The following SVIL variants were observed in gnomAD, a reference collection of about 807,000 sequenced individuals.
SVIL encodes supervillin.
Under a neutral mutation model 240.4 loss-of-function variants are expected in SVIL, and 101 were observed. That is an observed-to-expected ratio of 0.42 (90% confidence interval 0.36 to 0.50). The LOEUF (loss-of-function observed/expected upper bound fraction) is 0.50. Ranked by LOEUF, SVIL falls within the 20% of genes least tolerant of loss-of-function variation. The pLI is 0.01. For missense variants in SVIL, 2,512 were observed against 2,818.7 expected (o/e 0.89, Z 2.46); for synonymous variants, 999 against 1,100.0 (o/e 0.91, Z 1.82).
chr10:29,604,008 T>C (rs1381979327), intron 1 of SVIL, among the ~76,000 whole-genome samples: 1 of 152,162 alleles, frequency 6.6e-6, no homozygotes, highest in Non-Finnish European at 1.5e-5. Context: ...CAGTGAAATA[T>C]TTCCGCCCCC....
At chr10:29,535,385 C>A (rs898415686) in intron 7 of SVIL, among the ~76,000 whole-genome samples, 9 of 152,214 alleles carry the variant, frequency 5.9e-5, no homozygotes, top group South Asian at 2.1e-4. Context: ...CAGCCAAGAA[C>A]AAAGTGACTG....
chr10:29,493,519 C>T (rs1948158595), intron 20 of SVIL, 128 bp from the exon 21 acceptor site: 2 of 1,043,438 alleles, frequency 1.9e-6, no homozygotes, highest in Admixed American at 2.4e-5. Flanking sequence ...TTGTGATATA[C>T]AGGGTCCTGT....
intron 2 of SVIL, among the ~76,000 whole-genome samples, chr10:29,664,776 G>A (rs982849838): frequency 2.6e-5 from 4 of 151,938 alleles, no homozygotes; most frequent in South Asian, 2.1e-4. Flanking sequence ...GAGCTAAGTC[G>A]TAAAACAGAA....
At chr10:29,674,168 A>G (rs1231908486) in intron 2 of SVIL, among the ~76,000 whole-genome samples, 1 of 149,252 alleles carries the variant, frequency 6.7e-6, no homozygotes, top group East Asian at 1.9e-4. Flanking sequence ...TGATTTCTAC[A>G]AAAAAAAAAT....
intron 14 of SVIL, 144 bp from the exon 15 acceptor site, chr10:29,524,171 G>T: frequency 2.1e-6 from 2 of 971,140 alleles, no homozygotes; most frequent in Non-Finnish European, 3.0e-6. Flanking sequence ...CCTGGACATA[G>T]TTATATAATA....
intron 14 of SVIL, 92 bp from the exon 15 acceptor site, chr10:29,524,119 G>A (rs1009090027): frequency 3.4e-5 from 43 of 1,258,416 alleles, no homozygotes; most frequent in Non-Finnish European, 3.9e-5. Flanking sequence ...TGAAATACTC[G>A]ATTTGATGCA....
intron 1 of SVIL, among the ~76,000 whole-genome samples, chr10:29,572,779 A>AAAG (rs1182045766): frequency 7.2e-6 from 1 of 139,208 alleles, no homozygotes; most frequent in Non-Finnish European, 1.6e-5. Context: ...AAAAAAAAAA[A>AAAG]AAGAAAAAGA....
At chr10:29,619,400 C>T (rs966985263) in intron 1 of SVIL, among the ~76,000 whole-genome samples, 5 of 152,156 alleles carry the variant, frequency 3.3e-5, no homozygotes, top group Admixed American at 6.5e-5. Flanking sequence ...ACTAACCAGA[C>T]GTATGACACA....
chr10:29,630,769 T>A (rs1017411376), intron 1 of SVIL, among the ~76,000 whole-genome samples: 8 of 152,084 alleles, frequency 5.3e-5, no homozygotes, highest in African/African-American at 1.9e-4. Flanking sequence ...GGAGAACTTA[T>A]AACACAGAAC....
At chr10:29,690,199 A>G (rs1417991827) in intron 1 of SVIL, among the ~76,000 whole-genome samples, 1 of 152,222 alleles carries the variant, frequency 6.6e-6, no homozygotes, top group African/African-American at 2.4e-5. Flanking sequence ...TTTCAAAATA[A>G]TCAACACTTG....
intron 1 of SVIL, among the ~76,000 whole-genome samples, chr10:29,613,906 C>T (rs1047212202): frequency 2.0e-5 from 3 of 152,164 alleles, no homozygotes; most frequent in African/African-American, 4.8e-5. Flanking sequence ...AAAAGCCCAA[C>T]GAACTCATCA....
intron 1 of SVIL, among the ~76,000 whole-genome samples, chr10:29,718,534 A>G (rs1963775086): frequency 6.6e-6 from 1 of 152,120 alleles, no homozygotes; most frequent in Non-Finnish European, 1.5e-5. Flanking sequence ...ACTGAACAGA[A>G]TCTGAATTTT....
intron 2 of SVIL, among the ~76,000 whole-genome samples, chr10:29,669,776 A>C (rs1037124851): frequency 1.3e-5 from 2 of 152,168 alleles, no homozygotes; most frequent in African/African-American, 4.8e-5. Flanking sequence ...AATTGCTGGA[A>C]AATGTATTGA....
At chr10:29,477,161 C>T (rs967879850) in intron 29 of SVIL, among the ~76,000 whole-genome samples, 3 of 152,200 alleles carry the variant, frequency 2.0e-5, no homozygotes, top group African/African-American at 7.2e-5. Flanking sequence ...CCGTGCCCAG[C>T]CAGCTATTCT....
intron 32 of SVIL, among the ~76,000 whole-genome samples, chr10:29,469,717 A>G (rs1396870900): frequency 6.6e-6 from 1 of 152,172 alleles, no homozygotes; most frequent in Admixed American, 6.5e-5. Context: ...CAAGTGGCCA[A>G]CGGCAGGTGC....
rs182882448 is a variant in SVIL at position 29,712,769 on chromosome 10, G to A, written c.-400+22982C>T. Among the ~76,000 whole-genome samples, 3 of 152,296 alleles carry A rather than the reference G, an allele frequency of 2.0e-5. No individual in the cohort carries two copies. In the East Asian group the frequency reaches 5.8e-4, roughly 29 times the overall value. On this transcript the variant is annotated intron_variant, in intron 1 of 35. Transcript: ENST00000375400. ...AGAAAAGCTGAAAGATGGACAACAG[G>A]AAAAGAGAGGAATGCGGAAGGTTAG...
At chr10:29,630,597 G>A (rs1468621927) in intron 1 of SVIL, among the ~76,000 whole-genome samples, 2 of 152,148 alleles carry the variant, frequency 1.3e-5, no homozygotes, top group East Asian at 1.9e-4. Context: ...CTTCATTTTA[G>A]GCAAAGTTCC....
intron 1 of SVIL, among the ~76,000 whole-genome samples, chr10:29,707,691 A>G (rs1285745048): frequency 1.3e-5 from 2 of 152,214 alleles, no homozygotes; most frequent in Admixed American, 1.3e-4. Flanking sequence ...TAAATGGATT[A>G]TAATCAGTTT....
chr10:29,708,746 G>A (rs1963078835), intron 1 of SVIL, among the ~76,000 whole-genome samples: 2 of 152,192 alleles, frequency 1.3e-5, no homozygotes, highest in South Asian at 4.1e-4. Context: ...ATGCCTTGCT[G>A]GGAAGCCTGC....
Sources: allele counts gnomAD v4.1 joint callset (sites outside exome capture counted in the v4.1 genomes callset), GRCh38; gene constraint gnomAD v4.1.1; transcripts MANE v1.5; gene names NCBI Gene and HGNC (gene_info 2026-07-23, HGNC 2026-07-21).